Variants in TMIGD3 observed in about 807,000 individuals in gnomAD.
TMIGD3 encodes transmembrane and immunoglobulin domain containing 3, also known as AD026 protein (AD026).
Under a neutral mutation model 28.1 loss-of-function variants are expected in TMIGD3, and 21 were observed. The ratio of observed to expected loss-of-function variants is 0.75; its 90% CI spans 0.53 to 1.08. The LOEUF is 1.08. Among genes scored for constraint, TMIGD3 ranks in the 50% least tolerant of loss-of-function variants. The pLI is 0.00. For synonymous variants in TMIGD3, 151 were observed against 162.1 expected, an observed-to-expected ratio of 0.93 and a Z score of 0.52; for missense variants, 416 against 435.6, an observed-to-expected ratio of 0.96 and a Z score of 0.40.
In TMIGD3 at chr1:111,488,887, TG is replaced by T. The variant is rs776053023; in HGVS notation, c.594del (p.Ile199SerfsTer13). The T allele has an allele frequency of 3.1e-6, 5 of 1,614,040 alleles. No individual in the cohort carries two copies. The highest frequency in any genetic ancestry group is 4.2e-6 in the Non-Finnish European group (5 of 1,180,034). ...CRGYFRDYCN[I>X]IAFSPNSTNH... is the part of the protein sequence containing the mutation. ...TTGGTGCTGTTAGGGGAGAAGGCGA[TG>T]ATGTTGCAGTAGTCACGGAAATAGC... is the stretch of plus-strand genomic sequence containing the variant. On this transcript the variant is annotated frameshift_variant, in exon 3 of 6. Coordinates refer to ENST00000369716, the MANE Select transcript of TMIGD3 (RefSeq NM_020683.7). LOFTEE classifies it high-confidence loss of function.
chr1:111,510,346 A>T (rs765272650), intron 1 of TMIGD3, among the ~76,000 whole-genome samples: 2 of 152,006 alleles, frequency 1.3e-5, no homozygotes, highest in Non-Finnish European at 2.9e-5. Context: ...ATATAAAAAA[A>T]CTGTACTATG....
At chr1:111,500,518 G>A (rs751095308) in intron 1 of TMIGD3, 2 of 1,613,890 alleles carry the variant, frequency 1.2e-6, no homozygotes, top group South Asian at 2.2e-5. Flanking sequence ...AAGGCCCAGG[G>A]CCAGCCATAT....
At chr1:111,525,933 T>G (rs115296294) in intron 1 of TMIGD3, among the ~76,000 whole-genome samples, 2 of 152,192 alleles carry the variant, frequency 1.3e-5, no homozygotes, top group Non-Finnish European at 2.9e-5. Context: ...TTAATTTTTT[T>G]ATCTAATCTG....
chr1:111,518,760 A>G (rs1339394210), intron 1 of TMIGD3, among the ~76,000 whole-genome samples: 1 of 152,210 alleles, frequency 6.6e-6, no homozygotes, highest in Non-Finnish European at 1.5e-5. Flanking sequence ...GCCCAGAAGC[A>G]ATACCATTAA....
rs5777065 is a variant in TMIGD3 at position 111,558,352 on chromosome 1, ATT to A, written c.107+5492_107+5493del. 2.5e-3 allele frequency among the ~76,000 whole-genome samples: 356 copies of A among 144,952 alleles called. 3 individuals are homozygous for A. The highest frequency in any genetic ancestry group is 7.0e-3 in the African/African-American group (277 of 39,496). ...GCCACCACTCCCAGCTAATTTTTCT[ATT>A]TTTTTTTTTTTGTCTTAAGACAGGG... On this transcript the variant is annotated intron_variant, in intron 1 of 5. Coordinates refer to the TMIGD3 transcript ENST00000369717.
intron 1 of TMIGD3, among the ~76,000 whole-genome samples, chr1:111,525,586 AG>A (rs974883955): frequency 1.3e-5 from 2 of 152,222 alleles, no homozygotes; most frequent in Non-Finnish European, 2.9e-5. Context: ...TTCTTTGGCT[AG>A]GCACAGTGGC....
rs553896332 is a variant in TMIGD3, at chr1:111,494,474, G to A, written c.351-3712C>T. ...AATCCCATTCACAATTGCCACAAAA[G>A]AATAAAATACCTAGGAATACAGCTT... is the stretch of plus-strand genomic sequence containing the variant. On this transcript the variant is annotated intron_variant, in intron 1 of 5. Transcript: ENST00000369716. 9.0e-4 allele frequency among the ~76,000 whole-genome samples: 137 copies of A among 152,200 alleles called. 1 individual carries two copies. The highest frequency in any genetic ancestry group is 1.3e-4 in the Non-Finnish European group (9 of 67,986).
intron 1 of TMIGD3, among the ~76,000 whole-genome samples, chr1:111,495,492 A>C (rs1210445039): frequency 6.6e-6 from 1 of 152,238 alleles, no homozygotes; most frequent in Non-Finnish European, 1.5e-5. Flanking sequence ...CAGAGAAAAG[A>C]GAACACTTAT....
At chr1:111,535,356 C>T (rs1314025723) in intron 1 of TMIGD3, among the ~76,000 whole-genome samples, 1 of 152,168 alleles carries the variant, frequency 6.6e-6, no homozygotes, top group African/African-American at 2.4e-5. Context: ...ATACGTATCA[C>T]TCTAGAAATT....
chr1:111,501,533 G>T (rs1418537699), intron 1 of TMIGD3, among the ~76,000 whole-genome samples: 1 of 152,144 alleles, frequency 6.6e-6, no homozygotes, highest in South Asian at 2.1e-4. Context: ...TGTGTGACAG[G>T]TATGTTTCTA....
intron 5 of TMIGD3, 24 bp downstream of exon 5, chr1:111,485,716 C>T: frequency 8.3e-7 from 1 of 1,204,336 alleles, no homozygotes; most frequent in Non-Finnish European, 1.2e-6. Flanking sequence ...TTGCCCACCC[C>T]CTCCCTCAAC....
chr1:111,530,946 G>A (rs1351887740), intron 1 of TMIGD3, among the ~76,000 whole-genome samples: 1 of 152,102 alleles, frequency 6.6e-6, no homozygotes, highest in Non-Finnish European at 1.5e-5. Context: ...CTCTCCTTTA[G>A]AGAACTCTAT....
At chr1:111,486,711 C>T in intron 3 of TMIGD3, 59 bp from the exon 4 acceptor site, 3 of 1,370,852 alleles carry the variant, frequency 2.2e-6, no homozygotes, top group Non-Finnish European at 3.1e-6. Context: ...CTACCTCTGC[C>T]TCCCAGCTGC....
intron 1 of TMIGD3, among the ~76,000 whole-genome samples, chr1:111,558,705 T>A (rs144530077): frequency 1.1e-3 from 163 of 152,304 alleles, no homozygotes; most frequent in African/African-American, 3.7e-3. Flanking sequence ...CCCAGGAAGA[T>A]ATAAACTTCT....
rs1483770003 is a variant in TMIGD3 at position 111,486,576 on chromosome 1, T to G, written c.872+10A>C. 2 of 1,514,842 alleles carry G rather than the reference T, an allele frequency of 1.3e-6. No individual in the cohort carries two copies. The highest frequency in any genetic ancestry group is 1.4e-5 in the African/African-American group (1 of 71,814). 93.8% of individuals were successfully genotyped at this position (1,514,842 alleles called of 1,614,324 possible). A position where few individuals can be genotyped will look rare whatever the true frequency, so the allele number is the denominator to read the frequency against. On this transcript the variant is annotated intron_variant, in intron 4 of 5. Coordinates refer to ENST00000369716, the MANE Select transcript of TMIGD3 (RefSeq NM_020683.7). ...CCCAAGCCCATTCATCCGCCAAGAC[T>G]ATGACTCACCTGGAGCGGTCAGCCT...
chr1:111,561,828 C>T (rs1297442577), intron 1 of TMIGD3, among the ~76,000 whole-genome samples: 1 of 152,102 alleles, frequency 6.6e-6, no homozygotes, highest in African/African-American at 2.4e-5. Context: ...ATTTAATCCC[C>T]TTTCTCCATT....
At chr1:111,524,598 G>A (rs1656200058) in intron 1 of TMIGD3, among the ~76,000 whole-genome samples, 1 of 151,984 alleles carries the variant, frequency 6.6e-6, no homozygotes, top group Non-Finnish European at 1.5e-5. Context: ...TTATTTCAAA[G>A]TACTTCCTAA....
chr1:111,502,082 TAA>T (rs869235270), intron 1 of TMIGD3, among the ~76,000 whole-genome samples: 17 of 119,356 alleles, frequency 1.4e-4, no homozygotes, highest in Admixed American at 5.5e-4. Context: ...TATATTATAA[TAA>T]ATATATATAG....
intron 1 of TMIGD3, among the ~76,000 whole-genome samples, chr1:111,526,377 G>A (rs553212402): frequency 6.6e-6 from 1 of 152,268 alleles, no homozygotes; most frequent in East Asian, 1.9e-4. Flanking sequence ...GGTTTTGTAA[G>A]GGGCTTCCTC....
Sources: gnomAD v4.1 joint callset for allele counts (sites outside exome capture counted in the v4.1 genomes callset) on GRCh38, gnomAD v4.1.1 for gene constraint, MANE v1.5 for transcripts, NCBI Gene and HGNC (gene_info 2026-07-23, HGNC 2026-07-21) for gene names.